MTAP: variants seen among roughly 807,000 people sequenced by gnomAD.
The protein encoded by MTAP is S-methyl-5'-thioadenosine phosphorylase.
In MTAP, 33 loss-of-function variants were observed where a neutral mutation model predicts 33.6. That is an observed-to-expected ratio of 0.98 (90% CI 0.74 to 1.31). The LOEUF is 1.31. MTAP is among the 40% of genes most tolerant of loss of function. The pLI is 0.00. For synonymous variants in MTAP, 148 were observed against 125.7 expected (o/e 1.18, Z -1.19); for missense variants, 367 against 360.0 (o/e 1.02, Z -0.16).
downstream of MTAP, among the ~76,000 whole-genome samples, chr9:21,939,705 AAATAAT>A (rs61336285): frequency 1.3e-5 from 2 of 150,676 alleles, no homozygotes; most frequent in Admixed American, 1.3e-4. Flanking sequence ...CTCTATGAAA[AAATAAT>A]AATAATAATA....
chr9:21,921,668 A>G (rs1818789948), intron 1 of MTAP, among the ~76,000 whole-genome samples: 1 of 152,214 alleles, frequency 6.6e-6, no homozygotes, highest in African/African-American at 2.4e-5. Flanking sequence ...AAATCAAAAT[A>G]TGCCTCTCTT....
At chr9:21,876,593 C>A (rs1826012502) in intron 1 of MTAP, among the ~76,000 whole-genome samples, 1 of 152,132 alleles carries the variant, frequency 6.6e-6, no homozygotes, top group African/African-American at 2.4e-5. Flanking sequence ...ATATGACTAA[C>A]CAGTTATCCC....
At chr9:21,901,300 A>C (rs1046611503) in intron 1 of MTAP, among the ~76,000 whole-genome samples, 20 of 152,228 alleles carry the variant, frequency 1.3e-4, no homozygotes, top group Non-Finnish European at 2.5e-4. Context: ...AATATAAACT[A>C]TCCAATACAA....
intron 1 of MTAP, among the ~76,000 whole-genome samples, chr9:21,906,625 C>A (rs920267310): frequency 3.3e-5 from 5 of 152,034 alleles, no homozygotes; most frequent in African/African-American, 1.2e-4. Flanking sequence ...GAATGAAAAT[C>A]TTTGCCAAAT....
chr9:21,833,847 A>T (rs145922340), intron 4 of MTAP, among the ~76,000 whole-genome samples: 40 of 152,304 alleles, frequency 2.6e-4, no homozygotes, highest in African/African-American at 8.9e-4. Context: ...AGCCAATGTA[A>T]GAGTCTTGAT....
intron 1 of MTAP, among the ~76,000 whole-genome samples, chr9:21,920,974 A>G (rs1818778486): frequency 6.6e-6 from 1 of 152,010 alleles, no homozygotes; most frequent in South Asian, 2.1e-4. Context: ...TTTTTGGAAG[A>G]GTTTGAGTTT....
intron 1 of MTAP, among the ~76,000 whole-genome samples, chr9:21,897,596 CAG>C (rs1486895552): frequency 6.6e-6 from 1 of 152,158 alleles, no homozygotes; most frequent in African/African-American, 2.4e-5. Flanking sequence ...AACAGACAAA[CAG>C]AGAGCCAAAT....
intron 4 of MTAP, among the ~76,000 whole-genome samples, chr9:21,832,119 G>T (rs1417221229): frequency 2.0e-5 from 3 of 152,108 alleles, no homozygotes; most frequent in Admixed American, 1.3e-4. Flanking sequence ...TTATTTTCTT[G>T]GTAGAACTGG....
At chr9:21,870,679 T>C (rs2118640893), downstream of MTAP, among the ~76,000 whole-genome samples, 1 of 152,034 alleles carries the variant, frequency 6.6e-6, no homozygotes, top group South Asian at 2.1e-4. Context: ...AGATGTAACA[T>C]TTAAAAATTA....
intron 1 of MTAP, among the ~76,000 whole-genome samples, chr9:21,919,148 G>A (rs1818743677): frequency 6.6e-6 from 1 of 152,148 alleles, no homozygotes; most frequent in Non-Finnish European, 1.5e-5. Context: ...TGGTTAGTGG[G>A]TTTGTAGCTG....
intron 1 of MTAP, among the ~76,000 whole-genome samples, chr9:21,875,406 T>G (rs1405418568): frequency 6.6e-6 from 1 of 152,186 alleles, no homozygotes; most frequent in East Asian, 1.9e-4. Context: ...TTGAGAAGTG[T>G]CTGTTCATAT....
chr9:21,802,832 C>A, intron 1 of MTAP, 51 bp downstream of exon 1: 1 of 1,606,094 alleles, frequency 6.2e-7, no homozygotes, highest in Non-Finnish European at 8.5e-7. Flanking sequence ...GATGCCTTCT[C>A]GCCCCCGCGC....
chr9:21,820,582 C>G (rs1824608928), intron 4 of MTAP, among the ~76,000 whole-genome samples: 2 of 152,174 alleles, frequency 1.3e-5, no homozygotes. Flanking sequence ...TGAGATGCCT[C>G]CAGCTTTGTT....
chr9:21,802,909 T>G, intron 1 of MTAP, 128 bp downstream of exon 1: 3 of 1,454,012 alleles, frequency 2.1e-6, no homozygotes, highest in Non-Finnish European at 2.7e-6. Context: ...GGGGAGGGAC[T>G]GGGGCGCGGC....
chr9:21,887,184 A>G (rs1276329899), intron 1 of MTAP, among the ~76,000 whole-genome samples: 2 of 152,248 alleles, frequency 1.3e-5, no homozygotes, highest in Non-Finnish European at 1.5e-5. Context: ...ATATGTATAC[A>G]TGTGCCATGT....
At chr9:21,832,291 G>A (rs993222526) in intron 4 of MTAP, among the ~76,000 whole-genome samples, 5 of 152,164 alleles carry the variant, frequency 3.3e-5, no homozygotes, top group African/African-American at 1.2e-4. Flanking sequence ...ATAAAGGCCC[G>A]TGTCTGGGCC....
downstream of MTAP, among the ~76,000 whole-genome samples, chr9:21,867,951 A>G (rs1587263164): frequency 6.6e-6 from 1 of 152,194 alleles, no homozygotes; most frequent in South Asian, 2.1e-4. Context: ...AAGAATAGAT[A>G]TCTGTTTATG....
At chr9:21,854,935 C>T in intron 6 of MTAP, 65 bp downstream of exon 6, 1 of 1,557,744 alleles carries the variant, frequency 6.4e-7, no homozygotes, top group Admixed American at 1.9e-5. Flanking sequence ...GGTGTCTTAA[C>T]TGTTTGTTTC....
intron 1 of MTAP, among the ~76,000 whole-genome samples, chr9:21,884,297 C>G (rs1005889468): frequency 6.6e-6 from 1 of 152,014 alleles, no homozygotes; most frequent in Non-Finnish European, 1.5e-5. Flanking sequence ...GTTTTAATTG[C>G]CCCAAATGGA....
Sources: allele counts gnomAD v4.1 joint callset (sites outside exome capture counted in the v4.1 genomes callset), GRCh38; gene constraint gnomAD v4.1.1; transcripts MANE v1.5; gene names NCBI Gene and HGNC (gene_info 2026-07-23, HGNC 2026-07-21).